The following MYO1B variants were observed in gnomAD, a reference collection of about 807,000 sequenced individuals.
The protein encoded by MYO1B is unconventional myosin-Ib.
Under a neutral mutation model 159.7 loss-of-function variants are expected in MYO1B, and 72 were observed. That is an observed-to-expected ratio of 0.45 (90% confidence interval 0.37 to 0.55). The LOEUF (loss-of-function observed/expected upper bound fraction) is 0.55, where lower values mean the gene tolerates loss of function less well. Among genes scored for constraint, MYO1B ranks in the 20% least tolerant of loss-of-function variants. MYO1B has a pLI of 0.00. For missense variants in MYO1B, 1,062 were observed against 1,364.8 expected (o/e 0.78, Z 3.50); for synonymous variants, 468 against 473.8 (o/e 0.99, Z 0.16).
chr2:191,301,562 TTCAGGCTATGTATATAAGGTG>T (rs1355491455), intron 3 of MYO1B, among the ~76,000 whole-genome samples: 17 of 152,340 alleles, frequency 1.1e-4, no homozygotes, highest in African/African-American at 4.1e-4. Flanking sequence ...TAAAATTTCC[TTCAGGCTATGTATATAAGGTG>T]TATATTAAAT....
chr2:191,309,020 C>T (rs1178828502), intron 3 of MYO1B, among the ~76,000 whole-genome samples: 2 of 152,162 alleles, frequency 1.3e-5, no homozygotes, highest in Non-Finnish European at 2.9e-5. Flanking sequence ...GATGAGCCTA[C>T]GTGGGCTTCA....
chr2:191,412,964 A>G (rs1425251162), intron 27 of MYO1B, among the ~76,000 whole-genome samples: 2 of 152,192 alleles, frequency 1.3e-5, no homozygotes, highest in Admixed American at 6.5e-5. Context: ...TTAACTTATG[A>G]TGCAGTTACA....
In MYO1B at chr2:191,350,210, G is replaced by A; in HGVS notation, c.547G>A (p.Gly183Arg). The change falls in exon 7 of 31, where the codon GGA becomes AGA. Residue 183 changes from glycine (G) to arginine (R), a missense_variant. Gly to Arg is a moderately radical substitution (Grantham distance 125). Around this residue, in one of 5 missense-constraint regions of MYO1B, gnomAD observed 415 missense variants for 544.0 expected, o/e 0.76. Coordinates refer to ENST00000392318, the MANE Select transcript of MYO1B (RefSeq NM_001130158.3). ...TGACTTTAAAGGCGATCCACTAGGAGGAGTAATAAGTAACTGTGAGTATTT... is the reference window on the plus strand; with the variant it reads ...TGACTTTAAAGGCGATCCACTAGGAAGAGTAATAAGTAACTGTGAGTATTT... Reference protein sequence around the residue: ...EFDFKGDPLGGVISNYLLEKS... With the variant: ...EFDFKGDPLGRVISNYLLEKS... 1 of 1,612,226 alleles carries A rather than the reference G, an allele frequency of 6.2e-7. No individual in the cohort carries two copies. The highest frequency in any genetic ancestry group is 8.5e-7 in the Non-Finnish European group (1 of 1,178,686).
chr2:191,364,189 T>C lies in MYO1B; in HGVS notation c.945T>C (p.Ile315=), dbSNP rs774370530. ...ELKEICELTG[I]DQSVLERAFS... Reference sequence around the variant, plus strand: ...AAGAAATTTGTGAATTGACCGGCATTGATCAATCAGTTCTAGAACGAGCAT... The same window carrying C: ...AAGAAATTTGTGAATTGACCGGCATCGATCAATCAGTTCTAGAACGAGCAT... The change falls in exon 11 of 31, where the codon ATT becomes ATC. Residue 315 remains isoleucine (I), a synonymous_variant. Transcript: ENST00000392318. The C allele has an allele frequency of 6.2e-7, 1 of 1,613,950 alleles. No homozygotes were observed. The highest frequency in any genetic ancestry group is 2.2e-5 in the East Asian group (1 of 44,884).
intron 6 of MYO1B, among the ~76,000 whole-genome samples, 167 bp downstream of exon 6, chr2:191,346,449 TC>T (rs1288384663): frequency 2.0e-5 from 3 of 152,228 alleles, no homozygotes; most frequent in African/African-American, 7.2e-5. Context: ...TCTGGAATTT[TC>T]CTTTTGAATT....
chr2:191,276,926 C>T lies in MYO1B; in HGVS notation c.31C>T (p.Leu11=), dbSNP rs1013765147. The T allele has an allele frequency of 9.3e-6, 15 of 1,613,796 alleles. No individual in the cohort carries two copies. Among genetic ancestry groups the T allele is most frequent in the Non-Finnish European group, 1.3e-5 (15 of 1,179,910 alleles). MAKMEVKTSL[L]DNMIGVGDMV... ...CAAAATGGAGGTGAAAACCTCACTT[C>T]TGGACAATATGATTGGAGTTGGGGA... The change falls in exon 2 of 31, where the codon CTG becomes TTG. Residue 11 remains leucine, a synonymous_variant. Transcript: ENST00000392318.
chr2:191,312,878 T>C (rs1266584874), intron 3 of MYO1B, among the ~76,000 whole-genome samples: 3 of 152,226 alleles, frequency 2.0e-5, no homozygotes, highest in South Asian at 2.1e-4. Context: ...TCAGGAAATA[T>C]TTATTTTTAG....
At chr2:191,303,156 A>AC (rs1439973019) in intron 3 of MYO1B, among the ~76,000 whole-genome samples, 8 of 152,080 alleles carry the variant, frequency 5.3e-5, no homozygotes, top group Non-Finnish European at 1.2e-4. Context: ...AGGGCAGAAG[A>AC]CTCACACATT....
chr2:191,311,876 T>A (rs530161142), intron 3 of MYO1B, among the ~76,000 whole-genome samples: 1 of 152,238 alleles, frequency 6.6e-6, no homozygotes, highest in Non-Finnish European at 1.5e-5. Flanking sequence ...TGTGGAAACA[T>A]GTGCATGGGT....
At chr2:191,308,495 G>A (rs927574513) in intron 3 of MYO1B, among the ~76,000 whole-genome samples, 25 of 152,092 alleles carry the variant, frequency 1.6e-4, no homozygotes, top group African/African-American at 5.3e-4. Context: ...AGTGTTGTGT[G>A]CCCAGGATCC....
chr2:191,405,472 T>A (rs541925546), intron 24 of MYO1B, among the ~76,000 whole-genome samples: 1 of 152,238 alleles, frequency 6.6e-6, no homozygotes, highest in South Asian at 2.1e-4. Context: ...GGAAAGTTTT[T>A]AATTTACTTT....
chr2:191,265,967 A>G (rs1687117259), intron 1 of MYO1B, among the ~76,000 whole-genome samples: 1 of 149,760 alleles, frequency 6.7e-6, no homozygotes, highest in African/African-American at 2.5e-5. Flanking sequence ...GTCCATGTTG[A>G]GGGGGTGGAG....
At chr2:191,260,254 C>CTTTTTTTTTTTTTTTTTTTTTTT (rs57237733) in intron 1 of MYO1B, among the ~76,000 whole-genome samples, 1,909 of 60,806 alleles carry the variant, frequency 0.031, 637 homozygotes, top group Non-Finnish European at 0.056. Flanking sequence ...CCCAGATAGG[C>CTTTTTTTTTTTTTTTTTTTTTTT]TTTTTTTTTT....
chr2:191,245,914 CGTACCTGTGG>C (rs1363514495), intron 1 of MYO1B: 1 of 152,312 alleles, frequency 6.6e-6, no homozygotes, highest in East Asian at 1.9e-4. Context: ...CCATGCCTCT[CGTACCTGTGG>C]GCAGAGTCGA....
rs142776195 is a variant in MYO1B, at chr2:191,415,729, C to T, written c.3160-386C>T. The stretch of plus-strand genomic sequence containing the variant: ...CCAAATCACTGAAAAGTTTTTTAAT[C>T]AAGTCCTTCAGAAGAGTTGCGGGAT... On this transcript the variant is annotated intron_variant, in intron 29 of 30. Transcript: ENST00000392318. Among the ~76,000 whole-genome samples, 3 of 151,994 alleles carry T rather than the reference C, an allele frequency of 2.0e-5. No individual in the cohort carries two copies. The South Asian group carries it at 6.2e-4, about 32-fold the overall frequency.
At chr2:191,316,435 G>A (rs181598699) in intron 3 of MYO1B, among the ~76,000 whole-genome samples, 20 of 152,188 alleles carry the variant, frequency 1.3e-4, no homozygotes, top group Admixed American at 9.2e-4. Context: ...GTTATTGTAG[G>A]GATTGCTGTT....
At chr2:191,252,766 A>G (rs1478364682) in intron 1 of MYO1B, among the ~76,000 whole-genome samples, 1 of 152,176 alleles carries the variant, frequency 6.6e-6, no homozygotes, top group Non-Finnish European at 1.5e-5. Flanking sequence ...GTCGAAATCT[A>G]AATTTATTAC....
At chr2:191,373,310 G>A (rs1192420618) in intron 13 of MYO1B, among the ~76,000 whole-genome samples, 1 of 152,186 alleles carries the variant, frequency 6.6e-6, no homozygotes, top group Non-Finnish European at 1.5e-5. Context: ...CTCTGGAGAT[G>A]GGGCTGCAGC....
chr2:191,254,847 A>G (rs1686341027), intron 1 of MYO1B, among the ~76,000 whole-genome samples: 1 of 152,124 alleles, frequency 6.6e-6, no homozygotes, highest in South Asian at 2.1e-4. Flanking sequence ...ACTTTTAGTT[A>G]TTTAATGTGT....
Sources: allele counts gnomAD v4.1 joint callset (sites outside exome capture counted in the v4.1 genomes callset), GRCh38; gene constraint gnomAD v4.1.1; regional missense constraint gnomAD v4.1.1; transcripts MANE v1.5; gene names NCBI Gene and HGNC (gene_info 2026-07-23, HGNC 2026-07-21).